TENM2: variants seen among roughly 807,000 people sequenced by gnomAD.
The protein encoded by TENM2 is teneurin-2.
TENM2 carries 52 observed loss-of-function variants against 245.2 expected under a neutral mutation model. The ratio of observed to expected loss-of-function variants is 0.21; its 90% CI spans 0.17 to 0.27. The LOEUF is 0.27. Ranked by LOEUF, TENM2 falls within the 10% of genes least tolerant of loss-of-function variation. TENM2 has a pLI of 1.00. For missense variants in TENM2, 3,046 were observed against 3,666.8 expected (o/e 0.83, Z 4.37); for synonymous variants, 1,363 against 1,438.9 (o/e 0.95, Z 1.19).
chr5:167,041,492 A>C, the TENM2 span, among the ~76,000 whole-genome samples: 1 of 152,174 alleles, frequency 6.6e-6, no homozygotes, highest in Non-Finnish European at 1.5e-5. Flanking sequence ...CTGACCACGA[A>C]GTGTCCAATT....
At chr5:166,997,338 A>T in the TENM2 span, among the ~76,000 whole-genome samples, 10 of 152,198 alleles carry the variant, frequency 6.6e-5, no homozygotes, top group African/African-American at 2.2e-4. Flanking sequence ...CTATGAGTTT[A>T]TTATATTAAC....
the TENM2 span, among the ~76,000 whole-genome samples, chr5:167,247,509 G>A: frequency 1.3e-5 from 2 of 152,014 alleles, no homozygotes; most frequent in Non-Finnish European, 2.9e-5. Context: ...ACACATTTGT[G>A]TTGGAGGAAA....
At chr5:167,838,304 C>G (rs1769190474) in intron 2 of TENM2, among the ~76,000 whole-genome samples, 1 of 152,224 alleles carries the variant, frequency 6.6e-6, no homozygotes. Context: ...ATGGGATTCT[C>G]TACAGGCAGC....
chr5:167,353,339 T>TGGGGGGGGGGG (rs200412000), intron 1 of TENM2, among the ~76,000 whole-genome samples: 2 of 145,622 alleles, frequency 1.4e-5, no homozygotes, highest in African/African-American at 5.3e-5. Context: ...GTGGTGGGGG[T>TGGGGGGGGGGG]GCAGAAAGTT....
the TENM2 span, among the ~76,000 whole-genome samples, chr5:167,147,800 A>G: frequency 6.6e-6 from 1 of 152,134 alleles, no homozygotes; most frequent in Admixed American, 6.6e-5. Flanking sequence ...ATTAATTTTA[A>G]TGACTATACA....
chr5:167,030,727 C>T, the TENM2 span, among the ~76,000 whole-genome samples: 2 of 152,264 alleles, frequency 1.3e-5, no homozygotes, highest in East Asian at 3.9e-4. Flanking sequence ...CTGGGTCCTA[C>T]CAGCAGGGGG....
At chr5:167,931,618 C>T (rs536597389) in intron 3 of TENM2, among the ~76,000 whole-genome samples, 10 of 151,592 alleles carry the variant, frequency 6.6e-5, no homozygotes, top group South Asian at 2.1e-4. Context: ...ATATGTTCCC[C>T]GGGTGGAGAA....
intron 4 of TENM2, among the ~76,000 whole-genome samples, chr5:167,967,689 G>C (rs977771311): frequency 4.6e-5 from 7 of 152,162 alleles, no homozygotes; most frequent in Non-Finnish European, 5.9e-5. Flanking sequence ...TACAAATTGA[G>C]ACCACCCTGT....
chr5:167,989,298 G>GAGAGAGAGAA (rs772430462), intron 4 of TENM2, among the ~76,000 whole-genome samples: 1 of 147,656 alleles, frequency 6.8e-6, no homozygotes, highest in African/African-American at 2.5e-5. Flanking sequence ...GAGAGAGAGA[G>GAGAGAGAGAA]AGATAGATAG....
intron 2 of TENM2, among the ~76,000 whole-genome samples, chr5:167,539,520 T>C (rs1772059868): frequency 6.6e-6 from 1 of 152,210 alleles, no homozygotes; most frequent in Non-Finnish European, 1.5e-5. Flanking sequence ...TTAAGTTTTC[T>C]TTTAAACCAA....
At chr5:167,925,224 G>A (rs1468943006) in intron 3 of TENM2, among the ~76,000 whole-genome samples, 30 of 152,128 alleles carry the variant, frequency 2.0e-4, no homozygotes. Context: ...CAACTCAACA[G>A]CATGGATCAA....
chr5:167,224,118 A>T, the TENM2 span, among the ~76,000 whole-genome samples: 4 of 151,926 alleles, frequency 2.6e-5, no homozygotes, highest in Non-Finnish European at 4.4e-5. Flanking sequence ...TAGTTCACAA[A>T]TTTTTTCTCC....
At chr5:167,170,780 G>A in the TENM2 span, among the ~76,000 whole-genome samples, 10 of 152,228 alleles carry the variant, frequency 6.6e-5, no homozygotes, top group Non-Finnish European at 1.0e-4. Context: ...AGTCCACCAC[G>A]AACCTCATAG....
At chr5:167,344,949 T>A (rs1758367228) in intron 1 of TENM2, among the ~76,000 whole-genome samples, 5 of 152,142 alleles carry the variant, frequency 3.3e-5, no homozygotes, top group Admixed American at 3.3e-4. Flanking sequence ...TGTTTCAGAC[T>A]CTAAGATGAG....
At chr5:168,141,816 G>T (rs985867950) in intron 12 of TENM2, among the ~76,000 whole-genome samples, 5 of 152,260 alleles carry the variant, frequency 3.3e-5, no homozygotes, top group Non-Finnish European at 7.4e-5. Flanking sequence ...GCTTTCAAAG[G>T]CCAGCTGAGG....
At chr5:168,041,589 A>G (rs1183289032) in intron 5 of TENM2, among the ~76,000 whole-genome samples, 1 of 152,122 alleles carries the variant, frequency 6.6e-6, no homozygotes, top group Non-Finnish European at 1.5e-5. Context: ...AAAGGAAGAA[A>G]TTTTCAATGC....
At chr5:168,237,994 A>C (rs1765660019) in intron 25 of TENM2, among the ~76,000 whole-genome samples, 1 of 151,158 alleles carries the variant, frequency 6.6e-6, no homozygotes. Context: ...AATACAAAAA[A>C]ATTAGCTGGG....
the TENM2 span, among the ~76,000 whole-genome samples, chr5:167,016,081 C>T: frequency 1.3e-5 from 2 of 151,756 alleles, no homozygotes; most frequent in Non-Finnish European, 2.9e-5. Flanking sequence ...GATGAAACTC[C>T]GTCTCTACTA....
chr5:167,419,600 T>A (rs1763371254), intron 2 of TENM2, among the ~76,000 whole-genome samples: 2 of 152,226 alleles, frequency 1.3e-5, no homozygotes, highest in Non-Finnish European at 2.9e-5. Flanking sequence ...AACAAAGTGA[T>A]GGCCTTTTCA....
Sources: allele counts gnomAD v4.1 joint callset (sites outside exome capture counted in the v4.1 genomes callset), GRCh38; gene constraint gnomAD v4.1.1; transcripts MANE v1.5; gene names NCBI Gene and HGNC (gene_info 2026-07-23, HGNC 2026-07-21).